The following ICE1 variants were observed in gnomAD, a reference collection of about 807,000 sequenced individuals.
The protein encoded by ICE1 is little elongation complex subunit 1.
In ICE1, 64 loss-of-function variants were observed where a neutral mutation model predicts 192.7. The ratio of observed to expected loss-of-function variants is 0.33; its 90% CI spans 0.27 to 0.41. ICE1 has a LOEUF of 0.41. Among genes scored for constraint, ICE1 ranks in the 10% least tolerant of loss-of-function variants. The probability of loss-of-function intolerance (pLI) is 1.00; values close to 1 mark genes in which losing one functional copy is unlikely to be tolerated. For synonymous variants in ICE1, 1,010 were observed against 984.5 expected (o/e 1.03, Z -0.49); for missense variants, 2,708 against 2,696.0 (o/e 1.00, Z -0.10).
In ICE1 at chr5:5,439,889, T is replaced by C; in HGVS notation, c.179-6T>C. The C allele has an allele frequency of 1.9e-6, 3 of 1,547,178 alleles. No individual in the cohort carries two copies. Among genetic ancestry groups the C allele is most frequent in the Non-Finnish European group, 2.6e-6 (3 of 1,143,870 alleles). ...AATTCTCAGAGTTTTCTTTAATAAG[T>C]TTTACAGCTGCAGTTTGCAAGAAGG... On this transcript the variant is annotated splice_polypyrimidine_tract_variant and splice_region_variant and intron_variant, in intron 3 of 18. Coordinates refer to ENST00000296564, the MANE Select transcript of ICE1 (RefSeq NM_015325.3).
intron 1 of ICE1, among the ~76,000 whole-genome samples, chr5:5,428,633 C>T (rs1478884135): frequency 6.6e-6 from 1 of 152,126 alleles, no homozygotes; most frequent in Non-Finnish European, 1.5e-5. Flanking sequence ...ATACTTCCTC[C>T]AGATATGAAC....
intron 17 of ICE1, among the ~76,000 whole-genome samples, chr5:5,484,829 A>G (rs1308961919): frequency 6.6e-6 from 1 of 152,210 alleles, no homozygotes; most frequent in Non-Finnish European, 1.5e-5. Flanking sequence ...CACTTGTAGT[A>G]TTGAGAGAGA....
chr5:5,429,827 T>C (rs748432367), intron 1 of ICE1, among the ~76,000 whole-genome samples: 2 of 151,992 alleles, frequency 1.3e-5, no homozygotes, highest in Non-Finnish European at 2.9e-5. Flanking sequence ...TTCAGGAGGG[T>C]ATTGTATGGA....
In ICE1 at chr5:5,463,892, T is replaced by C; in HGVS notation, c.4558T>C (p.Trp1520Arg). The C allele has an allele frequency of 6.2e-7, 1 of 1,613,998 alleles. No homozygotes were observed. ...AAATAGACCCGTTAAGCCTAGTATA[T>C]GGATTAGTTCTCAAATCTATGATCA... ...LRNRPVKPSI[W>R]ISSQIYDQNF... Residue 1520 changes from tryptophan to arginine, a missense_variant, in exon 13 of 19, where the codon TGG becomes CGG. By Grantham distance (101) the Trp-to-Arg change is moderately radical (BLOSUM62 -3). Around this residue, in one of 2 missense-constraint regions of ICE1, gnomAD observed 2,366 missense variants for 2,276.6 expected, o/e 1.04. Coordinates refer to ENST00000296564, the MANE Select transcript of ICE1 (RefSeq NM_015325.3).
chr5:5,459,164 C>T (rs1482234089), intron 12 of ICE1, among the ~76,000 whole-genome samples: 5 of 152,134 alleles, frequency 3.3e-5, no homozygotes, highest in African/African-American at 4.8e-5. Flanking sequence ...TGAGCCACCG[C>T]GCCTGGCCAC....
At chr5:5,457,833 T>G in intron 12 of ICE1, 92 bp downstream of exon 12, 1 of 1,291,598 alleles carries the variant, frequency 7.7e-7, no homozygotes. Flanking sequence ...GTGATATTCT[T>G]GCACAGATTA....
chr5:5,489,025 A>G (rs1561103870), intron 18 of ICE1, 124 bp from the exon 19 acceptor site: 4 of 818,466 alleles, frequency 4.9e-6, no homozygotes, highest in Non-Finnish European at 5.6e-6. Context: ...GTTTTTTTAT[A>G]TTTAATTTTC....
At chr5:5,437,284 A>T in intron 3 of ICE1, 170 bp downstream of exon 3, 1 of 502,552 alleles carries the variant, frequency 2.0e-6, no homozygotes, top group Non-Finnish European at 3.6e-6. Context: ...TTTATTCTTA[A>T]TCCATGTTTA....
At position 5,489,187 on chromosome 5, in the gene ICE1, C is replaced by T; in HGVS notation, c.6658C>T (p.Leu2220Phe). The T allele has an allele frequency of 1.2e-6, 2 of 1,613,940 alleles. No homozygotes were observed. The highest frequency in any genetic ancestry group is 1.7e-6 in the Non-Finnish European group (2 of 1,179,884). ...TATACAGTTAGCAGCCGTGTATGCT[C>T]TTTGTGACTTGAGTCCCAGCAATCC... is the stretch of plus-strand genomic sequence containing the variant. ...WGIQLAAVYA[L>F]CDLSPSNPAE... Residue 2220 changes from leucine (L) to phenylalanine (F), a missense_variant, in exon 19 of 19, where the codon CTT (leucine) becomes TTT (phenylalanine). Coordinates refer to ENST00000296564, the MANE Select transcript of ICE1 (RefSeq NM_015325.3).
chr5:5,458,456 G>A (rs1180827240), intron 12 of ICE1, among the ~76,000 whole-genome samples: 2 of 150,646 alleles, frequency 1.3e-5, no homozygotes, highest in Non-Finnish European at 2.9e-5. Flanking sequence ...TGCAGTGGTG[G>A]AAAACACGCT....
intron 3 of ICE1, chr5:5,437,596 A>G (rs1737908719): frequency 1.3e-5 from 2 of 154,964 alleles, no homozygotes; most frequent in African/African-American, 4.8e-5. Context: ...GCGTTGCTGT[A>G]TATTCATGAA....
chr5:5,427,760 C>G (rs951485074), intron 1 of ICE1, among the ~76,000 whole-genome samples: 1 of 152,106 alleles, frequency 6.6e-6, no homozygotes, highest in African/African-American at 2.4e-5. Flanking sequence ...TATTGAGCTT[C>G]GATGTATATA....
chr5:5,468,658 A>T (rs1739064083), intron 14 of ICE1, among the ~76,000 whole-genome samples, 170 bp from the exon 15 acceptor site: 1 of 152,256 alleles, frequency 6.6e-6, no homozygotes, highest in Non-Finnish European at 1.5e-5. Flanking sequence ...TGGAGAACGG[A>T]TTTTGGAAAT....
At chr5:5,458,116 C>T (rs902603386) in intron 12 of ICE1, among the ~76,000 whole-genome samples, 16 of 152,030 alleles carry the variant, frequency 1.1e-4, no homozygotes, top group Non-Finnish European at 2.1e-4. Flanking sequence ...GCATCCATGC[C>T]CCTTAACCTG....
At chr5:5,481,246 A>G (rs1407071663) in intron 17 of ICE1, among the ~76,000 whole-genome samples, 1 of 152,216 alleles carries the variant, frequency 6.6e-6, no homozygotes, top group Non-Finnish European at 1.5e-5. Flanking sequence ...TGGAATTTTC[A>G]AAACAATATG....
intron 1 of ICE1, among the ~76,000 whole-genome samples, chr5:5,424,220 G>A (rs752473333): frequency 7.2e-5 from 11 of 152,132 alleles, no homozygotes; most frequent in Non-Finnish European, 1.6e-4. Flanking sequence ...GAGAAACTTG[G>A]TTTGCATTTT....
At position 5,463,709 on chromosome 5, in the gene ICE1, G is replaced by A. The variant is rs1738879410; in HGVS notation, c.4375G>A (p.Ala1459Thr). 2 of 1,613,932 alleles carry A rather than the reference G, an allele frequency of 1.2e-6. No individual in the cohort carries two copies. Among genetic ancestry groups the A allele is most frequent in the East Asian group, 2.2e-5 (1 of 44,868 alleles). ...PISQDQGELE[A>T]GCIPVTSAEK... Reference sequence around the variant, plus strand: ...TTCTCAGGATCAAGGAGAGCTGGAAGCTGGTTGCATCCCAGTGACTTCTGC... The same window carrying A: ...TTCTCAGGATCAAGGAGAGCTGGAAACTGGTTGCATCCCAGTGACTTCTGC... Residue 1459 changes from alanine to threonine, a missense_variant, in exon 13 of 19, where the codon GCT becomes ACT. Physicochemically the swap from Ala to Thr is moderately conservative, Grantham distance 58. Transcript: ENST00000296564.
At chr5:5,477,296 T>C (rs1739346191) in intron 17 of ICE1, among the ~76,000 whole-genome samples, 1 of 152,106 alleles carries the variant, frequency 6.6e-6, no homozygotes, top group Admixed American at 6.6e-5. Context: ...TAAAAAATGA[T>C]AAAGGGGTTA....
At position 5,422,931 on chromosome 5, in the gene ICE1, ACCCATTCGGCGG is replaced by A. The variant is rs1737352523; in HGVS notation, c.18_29del (p.His7_Ala10del). 2 of 1,443,442 alleles carry A rather than the reference ACCCATTCGGCGG, an allele frequency of 1.4e-6. No homozygotes were observed. The highest frequency in any genetic ancestry group is 3.0e-5 in the African/African-American group (2 of 67,514). The allele number at this position is 1,443,442 out of a possible 1,614,324, so 89.4% of individuals were successfully genotyped here. ...CGGCGGCACCATGATGCCGGGCGAG[ACCCATTCGGCGG>A]CGCCCGGGACGGCGGCGGACCTGTC... On this transcript the variant is annotated inframe_deletion, in exon 1 of 19. Coordinates refer to ENST00000296564, the MANE Select transcript of ICE1 (RefSeq NM_015325.3).
Sources: gnomAD v4.1 joint callset for allele counts (sites outside exome capture counted in the v4.1 genomes callset) on GRCh38, gnomAD v4.1.1 for gene constraint, gnomAD v4.1.1 regional missense constraint, MANE v1.5 for transcripts, NCBI Gene and HGNC (gene_info 2026-07-23, HGNC 2026-07-21) for gene names.